Variants in EVC2 observed in about 807,000 individuals in gnomAD.
EVC2 encodes EvC ciliary complex subunit 2.
Under a neutral mutation model 149.3 loss-of-function variants are expected in EVC2, and 148 were observed. The ratio of observed to expected loss-of-function variants is 0.99; its 90% CI spans 0.87 to 1.14. The LOEUF (loss-of-function observed/expected upper bound fraction) is 1.14, where lower values mean the gene tolerates loss of function less well. EVC2 is among the 50% of genes most tolerant of loss of function. The pLI, the probability that EVC2 is intolerant of heterozygous loss-of-function variation, is 0.00. For missense variants in EVC2, 1,854 were observed against 1,627.3 expected (o/e 1.14, Z -2.40); for synonymous variants, 776 against 649.9 (o/e 1.19, Z -2.95).
intron 1 of EVC2, among the ~76,000 whole-genome samples, chr4:5,701,258 C>T (rs541552230): frequency 7.9e-5 from 12 of 152,326 alleles, no homozygotes; most frequent in South Asian, 4.1e-4. Context: ...GATTATTACA[C>T]TGGAACCATC....
At chr4:5,676,951 A>G (rs1720034803) in intron 7 of EVC2, among the ~76,000 whole-genome samples, 1 of 152,042 alleles carries the variant, frequency 6.6e-6, no homozygotes, top group Non-Finnish European at 1.5e-5. Context: ...AGCATCTCGC[A>G]CTGAGCCTGA....
At position 5,708,524 on chromosome 4, in the gene EVC2, G is replaced by C. The variant is rs919012519; in HGVS notation, c.-11C>G. On this transcript the variant is annotated 5_prime_UTR_variant, in exon 1 of 22. Coordinates refer to ENST00000344408, the MANE Select transcript of EVC2 (RefSeq NM_147127.5). The stretch of plus-strand genomic sequence containing the variant: ...GCCCGAGGGGTCCATCGCCTGTCGG[G>C]ACCCGCTACCTCAAAGCGGCGGGTG... 2.8e-6 allele frequency: 4 copies of C among 1,446,216 alleles called. No individual in the cohort carries two copies. In the African/African-American group the frequency reaches 6.0e-5, roughly 22 times the overall value. 89.6% of individuals were successfully genotyped at this position (1,446,216 alleles called of 1,614,324 possible). A position where few individuals can be genotyped will look rare whatever the true frequency, so the allele number is the denominator to read the frequency against.
chr4:5,635,363 C>T (rs545324466), intron 10 of EVC2, among the ~76,000 whole-genome samples: 1 of 152,252 alleles, frequency 6.6e-6, no homozygotes, highest in South Asian at 2.1e-4. Flanking sequence ...GTAATGATTA[C>T]TCACCCCCAA....
At chr4:5,595,497 A>C (rs1449722902) in intron 16 of EVC2, among the ~76,000 whole-genome samples, 1 of 152,100 alleles carries the variant, frequency 6.6e-6, no homozygotes, top group African/African-American at 2.4e-5. Context: ...CAAATAAAAT[A>C]CTTTACAGAC....
chr4:5,706,337 G>GATAGATAGATACATAGATAC (rs1560243185), intron 1 of EVC2, among the ~76,000 whole-genome samples: 1 of 54,170 alleles, frequency 1.8e-5, no homozygotes, highest in Non-Finnish European at 4.2e-5. Context: ...TAGATAGATA[G>GATAGATAGATACATAGATAC]ATACATAGAT....
intron 5 of EVC2, among the ~76,000 whole-genome samples, chr4:5,685,844 C>A (rs969723869): frequency 1.3e-5 from 2 of 152,162 alleles, no homozygotes; most frequent in Non-Finnish European, 2.9e-5. Flanking sequence ...GCCCATCCTG[C>A]TCGGGAGAGG....
chr4:5,685,220 G>T, intron 6 of EVC2, 150 bp downstream of exon 6: 1 of 795,074 alleles, frequency 1.3e-6, no homozygotes, highest in Non-Finnish European at 2.2e-6. Context: ...GGCAAGGCGT[G>T]TGAGACTCCA....
At chr4:5,659,185 G>T (rs974330867) in intron 9 of EVC2, among the ~76,000 whole-genome samples, 8 of 152,086 alleles carry the variant, frequency 5.3e-5, no homozygotes, top group Non-Finnish European at 2.9e-5. Context: ...ATCAAGTCAC[G>T]TAATGGCATA....
At chr4:5,639,520 C>T (rs529974008) in intron 10 of EVC2, among the ~76,000 whole-genome samples, 18 of 152,202 alleles carry the variant, frequency 1.2e-4, no homozygotes, top group Non-Finnish European at 1.8e-4. Context: ...AGCCCATGGG[C>T]GCCAGGCAGC....
chr4:5,596,747 CA>C (rs1305737013), intron 16 of EVC2, among the ~76,000 whole-genome samples: 1 of 152,016 alleles, frequency 6.6e-6, no homozygotes, highest in East Asian at 1.9e-4. Flanking sequence ...AATAGAGACA[CA>C]AAAAACCCTT....
In EVC2 at chr4:5,572,256, TA is replaced by T. The variant is rs374486334; in HGVS notation, c.3360+2428del. On this transcript the variant is annotated intron_variant, in intron 19 of 21. Coordinates refer to ENST00000344408, the MANE Select transcript of EVC2 (RefSeq NM_147127.5). ...CCAGAGCTTCCGGTCTGGCAGTATTTATTCTGCATAGAGCCAATTCTTCAGC... is the reference window on the plus strand; with the variant it reads ...CCAGAGCTTCCGGTCTGGCAGTATTTTTCTGCATAGAGCCAATTCTTCAGC... Among the ~76,000 whole-genome samples, 258 of 152,348 alleles carry T rather than the reference TA, an allele frequency of 1.7e-3. 1 individual carries two copies. Among genetic ancestry groups the T allele is most frequent in the African/African-American group, 5.9e-3 (246 of 41,590 alleles).
At chr4:5,626,331 GTTT>G (rs34539817) in intron 12 of EVC2, among the ~76,000 whole-genome samples, 6 of 124,644 alleles carry the variant, frequency 4.8e-5, no homozygotes, top group African/African-American at 2.9e-5. Context: ...CGTTCTTCTT[GTTT>G]TTTTTTTTTT....
chr4:5,643,852 ACCACGGCACT>A (rs1405793387), intron 9 of EVC2, among the ~76,000 whole-genome samples: 1 of 152,168 alleles, frequency 6.6e-6, no homozygotes, highest in African/African-American at 2.4e-5. Context: ...CCAAGATTGC[ACCACGGCACT>A]CCAGCCTGGG....
intron 8 of EVC2, among the ~76,000 whole-genome samples, chr4:5,664,971 G>C (rs912297963): frequency 1.4e-5 from 2 of 147,892 alleles, no homozygotes; most frequent in African/African-American, 5.0e-5. Flanking sequence ...GATGGGGTGC[G>C]TGTGGGTGAC....
the EVC2 span, among the ~76,000 whole-genome samples, chr4:5,536,676 C>T: frequency 2.0e-5 from 3 of 151,692 alleles, no homozygotes; most frequent in Non-Finnish European, 4.4e-5. Flanking sequence ...CCCAGCTACT[C>T]GGGATGCTGA....
rs548370448 is a variant in EVC2 at position 5,584,858 on chromosome 4, G to A, written c.2830-8C>T. The A allele has an allele frequency of 6.2e-7, 1 of 1,614,122 alleles. No individual in the cohort carries two copies. The highest frequency in any genetic ancestry group is 1.1e-5 in the South Asian group (1 of 91,080). On this transcript the variant is annotated splice_polypyrimidine_tract_variant and splice_region_variant and intron_variant, in intron 16 of 21. Coordinates refer to ENST00000344408, the MANE Select transcript of EVC2 (RefSeq NM_147127.5). ...CAGCAATTCACCTCGAACCTGGGAG[G>A]GGACAGGGATGGACCCAAACCCAGA...
At position 5,584,842 on chromosome 4, in the gene EVC2, A is replaced by C. The variant is rs764538071; in HGVS notation, c.2838T>G (p.Gly946=). 6.2e-7 allele frequency: 1 copy of C among 1,614,044 alleles called. No individual in the cohort carries two copies. ...GCTGCACTCTCTCCCGCAGCAATTC[A>C]CCTCGAACCTGGGAGGGGACAGGGA... ...ASEDLVEKVR[G]ELLRERVQRM... Residue 946 remains glycine (G), a synonymous_variant, in exon 17 of 22, where the codon GGT becomes GGG. Coordinates refer to ENST00000344408, the MANE Select transcript of EVC2 (RefSeq NM_147127.5).
At chr4:5,660,564 T>C (rs1718813256) in intron 9 of EVC2, among the ~76,000 whole-genome samples, 1 of 152,166 alleles carries the variant, frequency 6.6e-6, no homozygotes, top group Admixed American at 6.5e-5. Context: ...ATCTCCCATT[T>C]TCAGTATGCT....
At chr4:5,627,052 G>T (rs894035466) in intron 12 of EVC2, among the ~76,000 whole-genome samples, 12 of 152,152 alleles carry the variant, frequency 7.9e-5, no homozygotes, top group Admixed American at 2.6e-4. Context: ...AGCAAACGAT[G>T]CTGTCTATAT....
Sources: allele counts gnomAD v4.1 joint callset (sites outside exome capture counted in the v4.1 genomes callset), GRCh38; gene constraint gnomAD v4.1.1; transcripts MANE v1.5; gene names NCBI Gene and HGNC (gene_info 2026-07-23, HGNC 2026-07-21).